The following SLC35D2 variants were observed in gnomAD, a reference collection of about 807,000 sequenced individuals.
The protein encoded by SLC35D2 is nucleotide sugar transporter SLC35D2.
In SLC35D2, 43 loss-of-function variants were observed where a neutral mutation model predicts 41.8. The ratio of observed to expected loss-of-function variants is 1.03; its 90% CI spans 0.81 to 1.33. SLC35D2 has a LOEUF of 1.33. Ranked by LOEUF, SLC35D2 falls within the 40% of genes most tolerant of loss-of-function variation. The pLI, the probability that SLC35D2 is intolerant of heterozygous loss-of-function variation, is 0.00. For missense variants in SLC35D2, 380 were observed against 408.4 expected (o/e 0.93, Z 0.60); for synonymous variants, 150 against 163.9 (o/e 0.92, Z 0.65).
intron 9 of SLC35D2, among the ~76,000 whole-genome samples, chr9:96,326,761 G>A (rs1031324354): frequency 2.8e-4 from 41 of 146,264 alleles, no homozygotes; most frequent in South Asian, 2.1e-3. Context: ...AGCCGGGATC[G>A]CACCACTGCA....
intron 9 of SLC35D2, among the ~76,000 whole-genome samples, chr9:96,326,621 G>A (rs957721915): frequency 6.6e-6 from 1 of 151,948 alleles, no homozygotes; most frequent in Admixed American, 6.6e-5. Flanking sequence ...GGCCAACATG[G>A]TGAAACCCTG....
At chr9:96,360,297 A>AAGTATCTGTCAC in intron 3 of SLC35D2, 76 bp from the exon 4 acceptor site, 5 of 1,139,832 alleles carry the variant, frequency 4.4e-6, no homozygotes, top group Non-Finnish European at 6.4e-6. Flanking sequence ...AAAAATGGTG[A>AAGTATCTGTCAC]CAGATACTTC....
At chr9:96,367,092 C>T (rs1362093696) in intron 2 of SLC35D2, among the ~76,000 whole-genome samples, 2 of 151,032 alleles carry the variant, frequency 1.3e-5, no homozygotes, top group Non-Finnish European at 3.0e-5. Context: ...TGGTGGCACG[C>T]ACCTGTAATC....
Position 96,323,819 on chromosome 9 carries a change from G to A in SLC35D2, c.831+272C>T, listed in dbSNP as rs139824706. Among the ~76,000 whole-genome samples, 809 of 152,044 alleles carry A rather than the reference G, an allele frequency of 5.3e-3. 8 individuals carry two copies. The highest frequency in any genetic ancestry group is 0.018 in the African/African-American group (742 of 41,474). ...CAGGCGCCTGTAATCCCAGCTGCTC[G>A]GGAGGCTGAGGCAGGAGAACCGCTC... On this transcript the variant is annotated intron_variant, in intron 10 of 11. Transcript: ENST00000253270.
At chr9:96,316,556 C>A (rs1265070822), downstream of SLC35D2, among the ~76,000 whole-genome samples, 1 of 151,876 alleles carries the variant, frequency 6.6e-6, no homozygotes, top group Non-Finnish European at 1.5e-5. Flanking sequence ...CTTTTCAAAT[C>A]CCCTGGGATA....
chr9:96,374,257 G>A (rs1830836081), intron 1 of SLC35D2, among the ~76,000 whole-genome samples: 1 of 152,190 alleles, frequency 6.6e-6, no homozygotes, highest in Admixed American at 6.6e-5. Context: ...TTGGCCGGGT[G>A]TGGTGGCTCA....
At position 96,324,063 on chromosome 9, in the gene SLC35D2, GTTCCC is replaced by G. The variant is rs371638212; in HGVS notation, c.831+23_831+27del. 2,511 of 1,586,184 alleles carry G rather than the reference GTTCCC, an allele frequency of 1.6e-3. 34 individuals carry two copies. In the African/African-American group the frequency reaches 0.029, roughly 18 times the overall value. ...TGGATTTCCATTCCTTGACTCAGTTGTTCCCTTCCAAGTTTCCATCCACTCACCTT... is the reference window on the plus strand; with the variant it reads ...TGGATTTCCATTCCTTGACTCAGTTGTTCCAAGTTTCCATCCACTCACCTT... On this transcript the variant is annotated intron_variant, in intron 10 of 11. Transcript: ENST00000253270.
chr9:96,322,182 G>A, intron 10 of SLC35D2, 102 bp from the exon 11 acceptor site: 3 of 758,300 alleles, frequency 4.0e-6, no homozygotes, highest in Non-Finnish European at 6.8e-6. Context: ...ACTTTGCATA[G>A]AGACTTGTAC....
At chr9:96,341,519 A>G (rs531775556) in intron 8 of SLC35D2, among the ~76,000 whole-genome samples, 1 of 152,332 alleles carries the variant, frequency 6.6e-6, no homozygotes, top group Non-Finnish European at 1.5e-5. Flanking sequence ...CTTTGCCTAT[A>G]CGATAGAAAT....
At chr9:96,322,160 G>A in intron 10 of SLC35D2, 80 bp from the exon 11 acceptor site, 1 of 892,846 alleles carries the variant, frequency 1.1e-6, no homozygotes, top group Non-Finnish European at 1.8e-6. Flanking sequence ...CCTGAAACTA[G>A]ACATTTTAGT....
rs2130834800 is a variant in SLC35D2 at position 96,324,071 on chromosome 9, C to G, written c.831+20G>C. 1 of 1,602,898 alleles carries G rather than the reference C, an allele frequency of 6.2e-7. No homozygotes were observed. The highest frequency in any genetic ancestry group is 1.1e-5 in the South Asian group (1 of 90,756). On this transcript the variant is annotated intron_variant, in intron 10 of 11. Transcript: ENST00000253270. ...CATTCCTTGACTCAGTTGTTCCCTTCCAAGTTTCCATCCACTCACCTTGAT... is the reference window on the plus strand; with the variant it reads ...CATTCCTTGACTCAGTTGTTCCCTTGCAAGTTTCCATCCACTCACCTTGAT...
At chr9:96,336,255 T>C (rs1483284759) in intron 9 of SLC35D2, among the ~76,000 whole-genome samples, 2 of 151,906 alleles carry the variant, frequency 1.3e-5, no homozygotes, top group Non-Finnish European at 2.9e-5. Context: ...TGAAAACATA[T>C]TACTGCCAGG....
At chr9:96,343,120 G>A (rs1028043887) in intron 8 of SLC35D2, among the ~76,000 whole-genome samples, 12 of 152,150 alleles carry the variant, frequency 7.9e-5, no homozygotes, top group Non-Finnish European at 1.2e-4. Context: ...TGTGGCCCGC[G>A]ACTTCCTGAA....
At chr9:96,379,898 C>CTTT (rs372665048) in intron 1 of SLC35D2, among the ~76,000 whole-genome samples, 2,502 of 135,350 alleles carry the variant, frequency 0.018, 35 homozygotes, top group Middle Eastern at 0.054. Context: ...AGGCTAGAGC[C>CTTT]TTTTTTTTTT....
chr9:96,323,840 C>T (rs992755567), intron 10 of SLC35D2, among the ~76,000 whole-genome samples: 1 of 151,896 alleles, frequency 6.6e-6, no homozygotes, highest in Non-Finnish European at 1.5e-5. Context: ...GCAGGAGAAC[C>T]GCTCGAACCA....
intron 1 of SLC35D2, among the ~76,000 whole-genome samples, chr9:96,376,594 G>A (rs531267814): frequency 2.6e-5 from 4 of 151,962 alleles, no homozygotes; most frequent in South Asian, 4.2e-4. Context: ...GGGCAACAGA[G>A]AGAGACTCTG....
intron 6 of SLC35D2, among the ~76,000 whole-genome samples, chr9:96,347,738 G>A (rs1259145532): frequency 1.3e-5 from 2 of 152,148 alleles, no homozygotes. Flanking sequence ...GCATTCCCAG[G>A]CGGTTAAGGC....
chr9:96,374,606 G>T (rs997356755), intron 1 of SLC35D2, among the ~76,000 whole-genome samples: 2 of 151,342 alleles, frequency 1.3e-5, no homozygotes, highest in East Asian at 3.9e-4. Context: ...AGGACGAGGC[G>T]GGTGGATCAC....
chr9:96,364,401 C>T (rs913643150), intron 3 of SLC35D2, 63 bp downstream of exon 3: 1 of 1,020,724 alleles, frequency 9.8e-7, no homozygotes, highest in Non-Finnish European at 1.5e-6. Flanking sequence ...TTGACCTGTA[C>T]TCTAAAATCA....
Sources: gnomAD v4.1 joint callset for allele counts (sites outside exome capture counted in the v4.1 genomes callset) on GRCh38, gnomAD v4.1.1 for gene constraint, MANE v1.5 for transcripts, NCBI Gene and HGNC (gene_info 2026-07-23, HGNC 2026-07-21) for gene names.